Variants in TGFB1 observed in about 807,000 individuals in gnomAD.
TGFB1 encodes transforming growth factor beta-1 proprotein.
In TGFB1, 19 loss-of-function variants were observed where a neutral mutation model predicts 43.8. The ratio of observed to expected loss-of-function variants is 0.43; its 90% CI spans 0.30 to 0.64. The LOEUF (loss-of-function observed/expected upper bound fraction) is 0.64. Ranked by LOEUF, TGFB1 falls within the 30% of genes least tolerant of loss-of-function variation. TGFB1 has a pLI of 0.11. For missense variants in TGFB1, 445 were observed against 529.8 expected (o/e 0.84, Z 1.57); for synonymous variants, 221 against 236.3 (o/e 0.94, Z 0.60).
intron 5 of TGFB1, among the ~76,000 whole-genome samples, chr19:41,335,746 T>TG (rs780142618): frequency 2.0e-5 from 3 of 152,156 alleles, no homozygotes; most frequent in Non-Finnish European, 4.4e-5. Context: ...CTCAGCACTT[T>TG]GGGAAGCCAA....
chr19:41,337,387 C>T (rs1214913446), intron 5 of TGFB1, among the ~76,000 whole-genome samples: 1 of 152,028 alleles, frequency 6.6e-6, no homozygotes, highest in African/African-American at 2.4e-5. Flanking sequence ...GTGGTCCACC[C>T]ACCTTGGCCT....
In TGFB1 at chr19:41,342,039, G is replaced by T; in HGVS notation, c.713-9C>A. On this transcript the variant is annotated splice_polypyrimidine_tract_variant and intron_variant, in intron 4 of 6. Transcript: ENST00000221930. Reference sequence around the variant, plus strand: ...GCGGCCGGTAGTGAACCCTGCTTTGGTGTGGGAGTCAGGGGATAGGGGACA... The same window carrying T: ...GCGGCCGGTAGTGAACCCTGCTTTGTTGTGGGAGTCAGGGGATAGGGGACA... 6.2e-7 allele frequency: 1 copy of T among 1,610,896 alleles called. No homozygotes were observed. The highest frequency in any genetic ancestry group is 8.5e-7 in the Non-Finnish European group (1 of 1,177,648).
chr19:41,336,953 ATT>A (rs56403763), intron 5 of TGFB1, among the ~76,000 whole-genome samples: 3 of 140,990 alleles, frequency 2.1e-5, no homozygotes, highest in Non-Finnish European at 1.5e-5. Context: ...GTCTCTTAGG[ATT>A]TTTTTTTTTT....
chr19:41,341,466 CAAAAAAAAAA>C (rs770264069), intron 5 of TGFB1, among the ~76,000 whole-genome samples: 7 of 35,584 alleles, frequency 2.0e-4, no homozygotes, highest in Middle Eastern at 0.045. Flanking sequence ...GACTCTGTCT[CAAAAAAAAAA>C]AAAAAAAAAA....
intron 5 of TGFB1, among the ~76,000 whole-genome samples, chr19:41,339,117 C>T (rs960544145): frequency 4.1e-5 from 6 of 145,460 alleles, no homozygotes; most frequent in African/African-American, 1.5e-4. Context: ...TGATCAGATT[C>T]AGGTTTGATT....
intron 3 of TGFB1, among the ~76,000 whole-genome samples, chr19:41,343,502 A>T (rs1436588170): frequency 6.6e-6 from 1 of 151,474 alleles, no homozygotes; most frequent in Admixed American, 6.6e-5. Flanking sequence ...AATCACCCTC[A>T]CCCAGCAAGC....
chr19:41,343,436 C>T (rs2038081497), intron 3 of TGFB1, among the ~76,000 whole-genome samples: 1 of 152,016 alleles, frequency 6.6e-6, no homozygotes, highest in African/African-American at 2.4e-5. Flanking sequence ...GCCAGGCCCC[C>T]TAATCCCTTT....
At chr19:41,339,721 G>C (rs2038031959) in intron 5 of TGFB1, among the ~76,000 whole-genome samples, 1 of 152,184 alleles carries the variant, frequency 6.6e-6, no homozygotes, top group African/African-American at 2.4e-5. Context: ...CTACTCAGGA[G>C]GCTGAGGCAG....
chr19:41,331,797 T>C (rs1236178850), intron 6 of TGFB1, among the ~76,000 whole-genome samples: 1 of 151,606 alleles, frequency 6.6e-6, no homozygotes, highest in African/African-American at 2.4e-5. Flanking sequence ...TTGGCCTAAC[T>C]CTGTGTCTGT....
intron 5 of TGFB1, among the ~76,000 whole-genome samples, chr19:41,338,626 C>T (rs2123091705): frequency 6.6e-6 from 1 of 151,090 alleles, no homozygotes; most frequent in African/African-American, 2.4e-5. Context: ...ATTGCCTGAC[C>T]TCAGGAGTTC....
In TGFB1 at chr19:41,331,148, C is replaced by T. The variant is rs2123077738; in HGVS notation, c.1077G>A (p.Gln359=). The change falls in exon 7 of 7, where the codon CAG becomes CAA. Residue 359 remains glutamine (Q), a synonymous_variant. Transcript: ENST00000221930. Reference sequence around the variant, plus strand: ...ACACGATGGGCAGCGGCTCCAGCGCCTGCGGCACGCAGCACGGCGCCGCCG... The same window carrying T: ...ACACGATGGGCAGCGGCTCCAGCGCTTGCGGCACGCAGCACGGCGCCGCCG... ...GASAAPCCVP[Q]ALEPLPIVYY... is the part of the protein sequence containing the mutation. 6.4e-7 allele frequency: 1 copy of T among 1,567,856 alleles called. No homozygotes were observed. Among genetic ancestry groups the T allele is most frequent in the Non-Finnish European group, 8.6e-7 (1 of 1,158,806 alleles).
intron 5 of TGFB1, among the ~76,000 whole-genome samples, chr19:41,338,503 A>C (rs1401782582): frequency 2.0e-5 from 3 of 151,398 alleles, no homozygotes; most frequent in Non-Finnish European, 4.4e-5. Flanking sequence ...TCTCAAAAAA[A>C]AAAAAAGGGG....
intron 2 of TGFB1, 133 bp downstream of exon 2, chr19:41,348,162 T>A: frequency 9.9e-7 from 1 of 1,005,164 alleles, no homozygotes; most frequent in Non-Finnish European, 1.5e-6. Flanking sequence ...TAGGATTGTA[T>A]GGTTTGTGTT....
intron 2 of TGFB1, among the ~76,000 whole-genome samples, chr19:41,346,885 C>T (rs773657054): frequency 2.0e-5 from 3 of 151,998 alleles, no homozygotes; most frequent in Non-Finnish European, 1.5e-5. Flanking sequence ...GCCACCACAC[C>T]TGGCTAATTT....
chr19:41,347,588 G>A (rs1373449630), intron 2 of TGFB1, among the ~76,000 whole-genome samples: 2 of 152,120 alleles, frequency 1.3e-5, no homozygotes, highest in African/African-American at 2.4e-5. Context: ...AGCACTCTGG[G>A]AGGCTCAGGT....
chr19:41,343,443 C>CT (rs952069464), intron 3 of TGFB1, among the ~76,000 whole-genome samples: 2 of 151,848 alleles, frequency 1.3e-5, no homozygotes, highest in Admixed American at 6.6e-5. Context: ...CCCCTAATCC[C>CT]TTTTTTTTCA....
intron 2 of TGFB1, among the ~76,000 whole-genome samples, chr19:41,346,768 C>G (rs955786937): frequency 6.6e-6 from 1 of 152,178 alleles, no homozygotes; most frequent in African/African-American, 2.4e-5. Context: ...CTCTGTTGCC[C>G]AGGCTGGAGT....
intron 2 of TGFB1, among the ~76,000 whole-genome samples, chr19:41,345,510 TAAATA>T (rs915064019): frequency 2.6e-5 from 4 of 151,840 alleles, no homozygotes; most frequent in African/African-American, 9.7e-5. Flanking sequence ...ATAATAATAA[TAAATA>T]AAATAAAATT....
At chr19:41,333,081 G>A (rs1335193822) in intron 5 of TGFB1, among the ~76,000 whole-genome samples, 2 of 151,912 alleles carry the variant, frequency 1.3e-5, no homozygotes, top group African/African-American at 2.4e-5. Context: ...CCACACTGGC[G>A]TCCTGTCTGT....
Sources: gnomAD v4.1 joint callset for allele counts (sites outside exome capture counted in the v4.1 genomes callset) on GRCh38, gnomAD v4.1.1 for gene constraint, MANE v1.5 for transcripts, NCBI Gene and HGNC (gene_info 2026-07-23, HGNC 2026-07-21) for gene names.